Variants in LDLRAD4 observed in about 807,000 individuals in gnomAD.
LDLRAD4 encodes the protein low-density lipoprotein receptor class A domain-containing protein 4.
Under a neutral mutation model 17.0 loss-of-function variants are expected in LDLRAD4, and 5 were observed. The ratio of observed to expected loss-of-function variants is 0.29; its 90% confidence interval spans 0.15 to 0.62. The LOEUF is 0.62. LDLRAD4 is among the 20% of genes least tolerant of loss of function. The pLI is 0.84. For synonymous variants in LDLRAD4, 168 were observed against 171.8 expected, an observed-to-expected ratio of 0.98 and a Z score of 0.17; for missense variants, 340 against 424.7, an observed-to-expected ratio of 0.80 and a Z score of 1.75.
intron 1 of LDLRAD4, among the ~76,000 whole-genome samples, chr18:13,235,281 A>G (rs1046799208): frequency 2.2e-4 from 34 of 152,280 alleles, no homozygotes; most frequent in African/African-American, 7.2e-4. Flanking sequence ...AGATTATTAA[A>G]GTTTATTAAA....
rs533855702 is a variant in LDLRAD4 at position 13,535,240 on chromosome 18, G to A, written c.182-85877G>A. Among the ~76,000 whole-genome samples the A allele has an allele frequency of 3.9e-5, 6 of 152,324 alleles. No individual in the cohort carries two copies. In the South Asian group the frequency reaches 6.2e-4, roughly 16 times the overall value. On this transcript the variant is annotated intron_variant, in intron 3 of 5. Coordinates refer to ENST00000359446, the Ensembl canonical transcript of LDLRAD4. Reference sequence around the variant, plus strand: ...ATATGTGTTTAATTTAATGGGTAACGCTATACTGGTTTTCAAAGTGGCTTT... The same window carrying A: ...ATATGTGTTTAATTTAATGGGTAACACTATACTGGTTTTCAAAGTGGCTTT...
intron 3 of LDLRAD4, among the ~76,000 whole-genome samples, chr18:13,619,341 TGGCCTGTGAGCAGAAATAA>T (rs2040376299): frequency 6.6e-6 from 1 of 152,084 alleles, no homozygotes; most frequent in African/African-American, 2.4e-5. Flanking sequence ...ATACTTCCCA[TGGCCTGTGAGCAGAAATAA>T]GGCCACTTTT....
At chr18:13,521,074 C>A (rs2093946038) in intron 3 of LDLRAD4, 1 of 152,196 alleles carries the variant, frequency 6.6e-6, no homozygotes, top group Non-Finnish European at 1.5e-5. Context: ...ATGAGTCAGT[C>A]TCCCTACTGT....
At chr18:13,544,428 T>C (rs1160225783) in intron 3 of LDLRAD4, among the ~76,000 whole-genome samples, 1 of 152,218 alleles carries the variant, frequency 6.6e-6, no homozygotes, top group Non-Finnish European at 1.5e-5. Flanking sequence ...CTGAGCTTAA[T>C]ACAGTTACAG....
At chr18:13,466,472 CAAAA>C (rs5823251) in intron 3 of LDLRAD4, among the ~76,000 whole-genome samples, 3 of 108,452 alleles carry the variant, frequency 2.8e-5, no homozygotes, top group Non-Finnish European at 3.6e-5. Context: ...CTTGTTTCAC[CAAAA>C]AAAAAAAAAA....
Position 13,406,521 on chromosome 18 carries a change from G to A in LDLRAD4, c.40+18759G>A, listed in dbSNP as rs78324673. Reference sequence around the variant, plus strand: ...CCTCATTCTCTGCCCCGTCGATGCCGTGGTGCGCATGATTATTATTTTGTT... The same window carrying A: ...CCTCATTCTCTGCCCCGTCGATGCCATGGTGCGCATGATTATTATTTTGTT... On this transcript the variant is annotated intron_variant, in intron 2 of 5. Transcript: ENST00000359446. Among the ~76,000 whole-genome samples, 594 of 152,278 alleles carry A rather than the reference G, an allele frequency of 3.9e-3. 5 individuals carry two copies. The highest frequency in any genetic ancestry group is 0.014 in the African/African-American group (569 of 41,542).
chr18:13,342,741 G>A (rs1362398607), intron 1 of LDLRAD4, among the ~76,000 whole-genome samples: 1 of 151,432 alleles, frequency 6.6e-6, no homozygotes, highest in Admixed American at 6.6e-5. Flanking sequence ...TAGATCCAAA[G>A]TTAGTCTCTT....
At chr18:13,263,715 G>T (rs1344582710) in intron 1 of LDLRAD4, among the ~76,000 whole-genome samples, 1 of 152,194 alleles carries the variant, frequency 6.6e-6, no homozygotes. Context: ...AAGATGGAAA[G>T]AATAAGAATC....
At chr18:13,593,308 G>A (rs1046815823) in intron 3 of LDLRAD4, among the ~76,000 whole-genome samples, 1 of 152,176 alleles carries the variant, frequency 6.6e-6, no homozygotes, top group African/African-American at 2.4e-5. Flanking sequence ...GGGAGACTGC[G>A]TCTTAAAAAA....
intron 1 of LDLRAD4, among the ~76,000 whole-genome samples, chr18:13,338,081 C>G (rs191904456): frequency 2.0e-5 from 3 of 152,286 alleles, no homozygotes; most frequent in African/African-American, 7.2e-5. Context: ...TACCCCTTTT[C>G]CCTTCTCTTT....
At chr18:13,564,597 A>C (rs1427833017) in intron 3 of LDLRAD4, among the ~76,000 whole-genome samples, 1 of 151,368 alleles carries the variant, frequency 6.6e-6, no homozygotes, top group Non-Finnish European at 1.5e-5. Context: ...AAAAAAAAAA[A>C]AAAAAAAAAC....
At chr18:13,344,454 G>A (rs2082560149) in intron 1 of LDLRAD4, among the ~76,000 whole-genome samples, 1 of 152,242 alleles carries the variant, frequency 6.6e-6, no homozygotes, top group East Asian at 1.9e-4. Context: ...CTTTGTTTTG[G>A]TACCAGTACC....
intron 3 of LDLRAD4, among the ~76,000 whole-genome samples, chr18:13,442,341 G>A (rs1226401487): frequency 6.6e-6 from 1 of 152,168 alleles, no homozygotes; most frequent in African/African-American, 2.4e-5. Context: ...TAGTTCAGGG[G>A]ATAGAGAGAT....
rs147645659 is a variant in LDLRAD4, at chr18:13,448,449, C to T, written c.181+10065C>T. ...CACAACTGGCAGAGCTGTAGGAAAGCGGGTAAAAAAATCCCCAGCGCCTGC... is the reference window on the plus strand; with the variant it reads ...CACAACTGGCAGAGCTGTAGGAAAGTGGGTAAAAAAATCCCCAGCGCCTGC... On this transcript the variant is annotated intron_variant, in intron 3 of 5. Coordinates refer to ENST00000359446, the Ensembl canonical transcript of LDLRAD4. Among the ~76,000 whole-genome samples, 435 of 152,238 alleles carry T rather than the reference C, an allele frequency of 2.9e-3. 1 individual carries two copies. The highest frequency in any genetic ancestry group is 9.6e-3 in the African/African-American group (397 of 41,530).
intron 4 of LDLRAD4, among the ~76,000 whole-genome samples, chr18:13,640,814 A>G (rs1204564755): frequency 6.6e-6 from 1 of 152,232 alleles, no homozygotes; most frequent in Non-Finnish European, 1.5e-5. Flanking sequence ...GACAGGCCGG[A>G]TAAGGCCAAT....
intron 2 of LDLRAD4, among the ~76,000 whole-genome samples, chr18:13,421,875 G>A (rs2089491640): frequency 1.3e-5 from 2 of 152,232 alleles, no homozygotes; most frequent in Admixed American, 1.3e-4. Flanking sequence ...GCTGGGGTGG[G>A]CAGGAGTCCT....
chr18:13,645,564 CA>C lies in LDLRAD4; in HGVS notation c.829del (p.Arg277GlyfsTer16). 1 of 1,606,080 alleles carries C rather than the reference CA, an allele frequency of 6.2e-7. No homozygotes were observed. The highest frequency in any genetic ancestry group is 8.5e-7 in the Non-Finnish European group (1 of 1,176,380). On this transcript the variant is annotated frameshift_variant, in exon 6 of 6. Coordinates refer to ENST00000359446, the Ensembl canonical transcript of LDLRAD4. LOFTEE classifies it high-confidence loss of function. This position sits in a 1 kb window ranked among gnomAD's most constrained non-coding sequence, Gnocchi z 5.7. Reference sequence around the variant, plus strand: ...TCCATCACCAGCGCAGCAACGCACACAGGGGCAGCAGACTGCAGTTTCAGCA... The same window carrying C: ...TCCATCACCAGCGCAGCAACGCACACGGGGCAGCAGACTGCAGTTTCAGCA...
chr18:13,523,279 G>T (rs1229063130), intron 3 of LDLRAD4, among the ~76,000 whole-genome samples: 7 of 152,328 alleles, frequency 4.6e-5, no homozygotes, highest in Admixed American at 4.6e-4. Context: ...AATGGAGATT[G>T]TCCTGGGTGG....
chr18:13,591,705 T>C (rs2095031986), intron 3 of LDLRAD4, among the ~76,000 whole-genome samples: 1 of 152,192 alleles, frequency 6.6e-6, no homozygotes, highest in East Asian at 1.9e-4. Flanking sequence ...CTGCAGCCAG[T>C]TAAGAATCAC....
Sources: allele counts gnomAD v4.1 joint callset (sites outside exome capture counted in the v4.1 genomes callset), GRCh38; gene constraint gnomAD v4.1.1; non-coding constraint Gnocchi (gnomAD v3.1); transcripts MANE v1.5; gene names NCBI Gene and HGNC (gene_info 2026-07-23, HGNC 2026-07-21).